The following RAMP3 variants were observed in gnomAD, a reference collection of about 807,000 sequenced individuals.
The protein encoded by RAMP3 is receptor activity modifying protein 3, also known as receptor activity-modifying protein 3.
A neutral mutation model predicts 13.5 loss-of-function variants in RAMP3; 14 were observed. The observed-to-expected ratio is 1.04, with a 90% CI of 0.69 to 1.63. The LOEUF is 1.63. Ranked by LOEUF, RAMP3 falls within the 40% of genes most tolerant of loss-of-function variation. The probability of loss-of-function intolerance (pLI) is 0.00; values close to 1 mark genes in which losing one functional copy is unlikely to be tolerated. For synonymous variants in RAMP3, 106 were observed against 88.3 expected (o/e 1.20, Z -1.12); for missense variants, 200 against 204.8 (o/e 0.98, Z 0.14).
At chr7:45,182,970 C>T (rs548484008) in intron 2 of RAMP3, among the ~76,000 whole-genome samples, 187 bp from the exon 3 acceptor site, 117 of 152,254 alleles carry the variant, frequency 7.7e-4, no homozygotes, top group Admixed American at 3.3e-3. Context: ...GGGCAGGGGA[C>T]ACAGGGAATG....
intron 1 of RAMP3, among the ~76,000 whole-genome samples, chr7:45,168,041 C>T (rs2128656271): frequency 6.6e-6 from 1 of 152,256 alleles, no homozygotes; most frequent in Non-Finnish European, 1.5e-5. Context: ...GTACTGACAT[C>T]TTAACAATTA....
At chr7:45,172,142 C>A (rs543307622) in intron 1 of RAMP3, among the ~76,000 whole-genome samples, 2 of 152,208 alleles carry the variant, frequency 1.3e-5, no homozygotes, top group African/African-American at 4.8e-5. Context: ...GGCAGGGAGC[C>A]TCAGTTCTCT....
At chr7:45,174,563 A>G (rs182983553) in intron 1 of RAMP3, among the ~76,000 whole-genome samples, 41 of 152,138 alleles carry the variant, frequency 2.7e-4, no homozygotes, top group African/African-American at 9.2e-4. Flanking sequence ...TTATCCCCCT[A>G]TAGCCACTGC....
At chr7:45,158,420 G>A (rs1785802624) in intron 1 of RAMP3, among the ~76,000 whole-genome samples, 1 of 152,220 alleles carries the variant, frequency 6.6e-6, no homozygotes, top group African/African-American at 2.4e-5. Flanking sequence ...AGGGGAAGCG[G>A]GGCGACTCTC....
At chr7:45,169,814 G>A (rs957071254) in intron 1 of RAMP3, among the ~76,000 whole-genome samples, 1 of 152,206 alleles carries the variant, frequency 6.6e-6, no homozygotes, top group South Asian at 2.1e-4. Flanking sequence ...AAATGACCTA[G>A]TTTTAACTTG....
In RAMP3 at chr7:45,175,850, C is replaced by T. The variant is rs74414632; in HGVS notation, c.59-1459C>T. Among the ~76,000 whole-genome samples, 1,509 of 152,260 alleles carry T rather than the reference C, an allele frequency of 9.9e-3. 25 individuals carry two copies. The highest frequency in any genetic ancestry group is 0.034 in the African/African-American group (1,420 of 41,542). Reference sequence around the variant, plus strand: ...CTTCCAGGGTCTTCCCTAATGTTAGCATTAAGCAGGCTATGACTCTTGAGG... The same window carrying T: ...CTTCCAGGGTCTTCCCTAATGTTAGTATTAAGCAGGCTATGACTCTTGAGG... On this transcript the variant is annotated intron_variant, in intron 1 of 2. Transcript: ENST00000242249.
In RAMP3 at chr7:45,183,169, T is replaced by C; in HGVS notation, c.204T>C (p.Ser68=). The change falls in exon 3 of 3, where the codon AGT becomes AGC. Residue 68 remains serine (S), a synonymous_variant. Transcript: ENST00000242249. Reference sequence around the variant, plus strand: ...TCTGCTTTTGCAGGTACTATGAGAGTTTCACCAACTGCACCGAGATGGAGG... The same window carrying C: ...TCTGCTTTTGCAGGTACTATGAGAGCTTCACCAACTGCACCGAGATGGAGG... The part of the protein sequence containing the change: ...NLSEFIVYYE[S]FTNCTEMEAN... 6.2e-7 allele frequency: 1 copy of C among 1,610,924 alleles called. No homozygotes were observed. The highest frequency in any genetic ancestry group is 8.5e-7 in the Non-Finnish European group (1 of 1,179,782).
At chr7:45,168,671 G>A (rs572836202) in intron 1 of RAMP3, among the ~76,000 whole-genome samples, 2 of 152,236 alleles carry the variant, frequency 1.3e-5, no homozygotes, top group East Asian at 3.9e-4. Flanking sequence ...GTGTGTGCCT[G>A]TATGTTGATT....
intron 1 of RAMP3, among the ~76,000 whole-genome samples, chr7:45,169,988 T>G (rs1382470326): frequency 1.3e-5 from 2 of 152,240 alleles, no homozygotes; most frequent in Non-Finnish European, 2.9e-5. Context: ...TGTTGGCATA[T>G]AGCAGTTCAT....
chr7:45,160,679 C>A (rs570743876), intron 1 of RAMP3, among the ~76,000 whole-genome samples: 8 of 152,246 alleles, frequency 5.3e-5, no homozygotes, highest in East Asian at 1.9e-4. Flanking sequence ...CCCTTTCTGG[C>A]GGAAATGCAT....
intron 1 of RAMP3, among the ~76,000 whole-genome samples, chr7:45,162,592 C>T (rs146831533): frequency 6.6e-6 from 1 of 152,312 alleles, no homozygotes; most frequent in African/African-American, 2.4e-5. Flanking sequence ...CTGACCCACC[C>T]TGCCACAGGG....
chr7:45,157,880 C>A lies in RAMP3; in HGVS notation c.52C>A (p.Leu18Ile). 1 of 1,397,170 alleles carries A rather than the reference C, an allele frequency of 7.2e-7. No individual in the cohort carries two copies. Among genetic ancestry groups the A allele is most frequent in the Non-Finnish European group, 9.2e-7 (1 of 1,084,958 alleles). 86.5% of individuals were successfully genotyped at this position (1,397,170 alleles called of 1,614,324 possible). A position where few individuals can be genotyped will look rare whatever the true frequency, so the allele number is the denominator to read the frequency against. ...GCAACTTCTCCCGTTGCTGCTGCTGCTCTGCGGTAAGGGGGCGACGGCCCG... is the reference window on the plus strand; with the variant it reads ...GCAACTTCTCCCGTTGCTGCTGCTGATCTGCGGTAAGGGGGCGACGGCCCG... ...RPQLLPLLLL[L>I]CGGCPRAGGC... is the part of the protein sequence containing the mutation. Residue 18 changes from leucine to isoleucine, a missense_variant, in exon 1 of 3, where the codon CTC (leucine) becomes ATC (isoleucine). Coordinates refer to ENST00000242249, the MANE Select transcript of RAMP3 (RefSeq NM_005856.3).
intron 1 of RAMP3, among the ~76,000 whole-genome samples, chr7:45,161,358 G>T (rs1785862572): frequency 6.6e-6 from 1 of 152,136 alleles, no homozygotes; most frequent in African/African-American, 2.4e-5. Flanking sequence ...CTCAGTGAGG[G>T]AGATCAGGGG....
intron 1 of RAMP3, among the ~76,000 whole-genome samples, chr7:45,168,166 C>G (rs1420259962): frequency 6.6e-6 from 1 of 151,628 alleles, no homozygotes; most frequent in Non-Finnish European, 1.5e-5. Context: ...TTTGGGAGGC[C>G]GAGGCTGGTG....
chr7:45,160,189 G>T (rs770220487), intron 1 of RAMP3, among the ~76,000 whole-genome samples: 1 of 151,640 alleles, frequency 6.6e-6, no homozygotes, highest in Non-Finnish European at 1.5e-5. Context: ...AATATTAGCC[G>T]GGTGTGGTGG....
At chr7:45,160,056 GGT>G (rs1785833549) in intron 1 of RAMP3, among the ~76,000 whole-genome samples, 1 of 152,102 alleles carries the variant, frequency 6.6e-6, no homozygotes, top group African/African-American at 2.4e-5. Context: ...TGGCCGGCCG[GGT>G]GCGGTGGCTC....
intron 1 of RAMP3, among the ~76,000 whole-genome samples, chr7:45,158,962 A>G (rs1785814615): frequency 6.6e-6 from 1 of 152,220 alleles, no homozygotes; most frequent in Non-Finnish European, 1.5e-5. Flanking sequence ...GGATTTCAGC[A>G]AACTTCCAGT....
Position 45,184,183 on chromosome 7 carries a change from C to T in RAMP3, c.*771C>T, listed in dbSNP as rs1786381804. On this transcript the variant is annotated 3_prime_UTR_variant, in exon 3 of 3. Transcript: ENST00000242249. ...TGAGGGGCCCTCTGGAATGGCATCC[C>T]ATGAGCTTGTGGCCTCTATCTGCTA... is the stretch of plus-strand genomic sequence containing the variant. The T allele has an allele frequency of 2.5e-6, 1 of 398,620 alleles. No homozygotes were observed. The highest frequency in any genetic ancestry group is 2.1e-5 in the African/African-American group (1 of 48,640). The allele number at this position is 398,620 out of a possible 1,614,324, so 24.7% of individuals were successfully genotyped here. A position where few individuals can be genotyped will look rare whatever the true frequency, so the allele number is the denominator to read the frequency against.
At chr7:45,160,737 A>G (rs1785852526) in intron 1 of RAMP3, among the ~76,000 whole-genome samples, 1 of 152,220 alleles carries the variant, frequency 6.6e-6, no homozygotes, top group African/African-American at 2.4e-5. Context: ...AGTCCCTGAG[A>G]CAAAAGAAAC....
Sources: gnomAD v4.1 joint callset for allele counts (sites outside exome capture counted in the v4.1 genomes callset) on GRCh38, gnomAD v4.1.1 for gene constraint, MANE v1.5 for transcripts, NCBI Gene and HGNC (gene_info 2026-07-23, HGNC 2026-07-21) for gene names.